The following DIS3L2 variants were observed in gnomAD, a reference collection of about 807,000 sequenced individuals.
The protein encoded by DIS3L2 is DIS3 like 3'-5' exoribonuclease 2.
In DIS3L2, 34 loss-of-function variants were observed where a neutral mutation model predicts 97.5. That is an observed-to-expected ratio of 0.35 (90% confidence interval 0.27 to 0.46). The LOEUF is 0.46. Among genes scored for constraint, DIS3L2 ranks in the 20% least tolerant of loss-of-function variants. The pLI is 1.00. For missense variants in DIS3L2, 1,038 were observed against 1,146.0 expected (o/e 0.91, Z 1.36); for synonymous variants, 435 against 445.2 (o/e 0.98, Z 0.29).
At chr2:232,273,167 C>CCCCT (rs1559186493) in intron 13 of DIS3L2, among the ~76,000 whole-genome samples, 1 of 152,178 alleles carries the variant, frequency 6.6e-6, no homozygotes, top group East Asian at 1.9e-4. Flanking sequence ...AGCCCATCCA[C>CCCCT]CCCTCCTTCC....
At chr2:232,063,079 C>T (rs1695757330) in intron 5 of DIS3L2, among the ~76,000 whole-genome samples, 2 of 152,096 alleles carry the variant, frequency 1.3e-5, no homozygotes, top group African/African-American at 4.8e-5. Flanking sequence ...ATCACTAGGT[C>T]ACCTGCTTCA....
intron 8 of DIS3L2, among the ~76,000 whole-genome samples, chr2:232,146,030 A>T (rs1411334002): frequency 6.6e-6 from 1 of 152,200 alleles, no homozygotes; most frequent in African/African-American, 2.4e-5. Context: ...GATCCACTCT[A>T]GGAGACAGGG....
At chr2:232,309,396 T>C (rs1015470115) in intron 14 of DIS3L2, among the ~76,000 whole-genome samples, 1 of 151,556 alleles carries the variant, frequency 6.6e-6, no homozygotes, top group African/African-American at 2.4e-5. Flanking sequence ...GGGGAGAGAG[T>C]AGCGGAAGGC....
intron 16 of DIS3L2, among the ~76,000 whole-genome samples, chr2:232,331,135 C>T (rs1195942816): frequency 2.0e-5 from 3 of 152,264 alleles, no homozygotes; most frequent in East Asian, 3.8e-4. Flanking sequence ...CAGCCTCCAT[C>T]CCCACATGTG....
At chr2:232,165,025 A>G (rs184092306) in intron 9 of DIS3L2, among the ~76,000 whole-genome samples, 2 of 152,344 alleles carry the variant, frequency 1.3e-5, no homozygotes, top group Admixed American at 6.5e-5. Flanking sequence ...TGCAGTATCT[A>G]TCAACATTTT....
chr2:231,983,367 C>T (rs72985654), intron 1 of DIS3L2, among the ~76,000 whole-genome samples: 1,712 of 152,282 alleles, frequency 0.011, 19 homozygotes, highest in Non-Finnish European at 0.016. Context: ...CTCTGTTAGC[C>T]TGTGTTGGTG....
intron 10 of DIS3L2, among the ~76,000 whole-genome samples, chr2:232,211,610 C>T (rs1451443752): frequency 1.3e-5 from 2 of 152,222 alleles, no homozygotes; most frequent in African/African-American, 2.4e-5. Context: ...TGGACATCCA[C>T]CCTTGCAGTT....
At chr2:232,015,200 T>C (rs1044555783) in intron 2 of DIS3L2, among the ~76,000 whole-genome samples, 24 of 152,244 alleles carry the variant, frequency 1.6e-4, no homozygotes, top group Admixed American at 6.5e-4. Context: ...TCTAGAAAAG[T>C]GGCAATCTTT....
At chr2:232,182,773 A>G (rs981270345) in intron 9 of DIS3L2, among the ~76,000 whole-genome samples, 1 of 152,188 alleles carries the variant, frequency 6.6e-6, no homozygotes, top group East Asian at 1.9e-4. Context: ...ACACCTGCAC[A>G]TGCATACACA....
chr2:232,262,274 C>T (rs1031462970), intron 12 of DIS3L2, among the ~76,000 whole-genome samples: 1 of 152,222 alleles, frequency 6.6e-6, no homozygotes, highest in African/African-American at 2.4e-5. Context: ...ATCCCCTCAC[C>T]TACATCTCTC....
At position 232,000,670 on chromosome 2, in the gene DIS3L2, C is replaced by G. The variant is rs544895345; in HGVS notation, c.-93-14165C>G. 4.0e-4 allele frequency among the ~76,000 whole-genome samples: 12 copies of G among 29,660 alleles called. No homozygotes were observed. In the East Asian group the frequency reaches 0.012, roughly 29 times the overall value. The allele number at this position is 29,660 out of a possible 152,430, so 19.5% of individuals were successfully genotyped here. The stretch of plus-strand genomic sequence containing the variant: ...TTCCTTTCCTTTCCTTTCTCTTTCT[C>G]TCTTTCTCTCTTTCTGTCTTTCTCT... On this transcript the variant is annotated intron_variant, in intron 1 of 20. Coordinates refer to ENST00000325385, the MANE Select transcript of DIS3L2 (RefSeq NM_152383.5).
intron 6 of DIS3L2, among the ~76,000 whole-genome samples, chr2:232,105,729 A>AG (rs1697339208): frequency 6.6e-6 from 1 of 152,224 alleles, no homozygotes; most frequent in Admixed American, 6.5e-5. Context: ...GGAAACCTAA[A>AG]TGAAAGGAAA....
chr2:232,324,278 A>G (rs1482648723), intron 14 of DIS3L2, among the ~76,000 whole-genome samples: 1 of 152,214 alleles, frequency 6.6e-6, no homozygotes, highest in African/African-American at 2.4e-5. Flanking sequence ...AGAAGAAATG[A>G]GGCTGAAATT....
chr2:232,109,699 A>G (rs1161510563), intron 6 of DIS3L2, among the ~76,000 whole-genome samples: 1 of 152,086 alleles, frequency 6.6e-6, no homozygotes, highest in Admixed American at 6.5e-5. Flanking sequence ...TCCTTACACT[A>G]TATACACAAA....
chr2:232,224,580 C>T (rs1270465807), intron 10 of DIS3L2, among the ~76,000 whole-genome samples: 1 of 151,972 alleles, frequency 6.6e-6, no homozygotes, highest in Non-Finnish European at 1.5e-5. Flanking sequence ...GGTTCATGTC[C>T]ATAATCCCAC....
chr2:231,982,723 A>C (rs1334625757), intron 1 of DIS3L2, among the ~76,000 whole-genome samples: 2 of 150,060 alleles, frequency 1.3e-5, no homozygotes, highest in Non-Finnish European at 2.9e-5. Context: ...CCTGTTGCCC[A>C]GGCTGGAGTG....
At chr2:232,163,684 T>A (rs1690722640) in intron 9 of DIS3L2, 52 bp downstream of exon 9, 1 of 1,566,776 alleles carries the variant, frequency 6.4e-7, no homozygotes, top group African/African-American at 1.4e-5. Context: ...TGCCTTAACT[T>A]TCCTAGGGGC....
intron 5 of DIS3L2, among the ~76,000 whole-genome samples, chr2:232,046,155 C>T (rs1695236468): frequency 6.6e-6 from 1 of 152,146 alleles, no homozygotes; most frequent in African/African-American, 2.4e-5. Context: ...AGTCTGTAAG[C>T]ACCATAGTCT....
intron 20 of DIS3L2, 170 bp from the exon 21 acceptor site, chr2:232,336,299 C>T (rs1695944721): frequency 6.5e-7 from 1 of 1,546,866 alleles, no homozygotes; most frequent in Admixed American, 2.0e-5. Context: ...CCCAACTCTG[C>T]CCTGACCCAG....
Sources: allele counts gnomAD v4.1 joint callset (sites outside exome capture counted in the v4.1 genomes callset), GRCh38; gene constraint gnomAD v4.1.1; transcripts MANE v1.5; gene names NCBI Gene and HGNC (gene_info 2026-07-23, HGNC 2026-07-21).